Variants in MARCHF8 observed in about 807,000 individuals in gnomAD.
MARCHF8 encodes the protein membrane associated ring-CH-type finger 8.
Under a neutral mutation model 51.6 loss-of-function variants are expected in MARCHF8, and 40 were observed. The ratio of observed to expected loss-of-function variants is 0.77; its 90% confidence interval spans 0.60 to 1.01. MARCHF8 has a LOEUF of 1.01. Ranked by LOEUF, MARCHF8 falls within the 50% of genes least tolerant of loss-of-function variation. The probability of loss-of-function intolerance (pLI) is 0.00; values close to 1 mark genes in which losing one functional copy is unlikely to be tolerated. For synonymous variants in MARCHF8, 263 were observed against 280.3 expected, an observed-to-expected ratio of 0.94 and a Z score of 0.62; for missense variants, 685 against 708.6, an observed-to-expected ratio of 0.97 and a Z score of 0.38.
intron 1 of MARCHF8, among the ~76,000 whole-genome samples, chr10:45,584,579 T>C (rs539452696): frequency 3.5e-4 from 54 of 152,116 alleles, no homozygotes; most frequent in Non-Finnish European, 6.0e-4. Flanking sequence ...AAAACAACAT[T>C]ATATACAGTG....
Position 45,495,313 on chromosome 10 carries a change from C to CA in MARCHF8, c.103-5897dup, listed in dbSNP as rs578036170. ...TTTCAATGAAGTTTAACTATTTTCT[C>CA]AAAAAAAAAAAAATTAGTGAGCAGA... On this transcript the variant is annotated intron_variant, in intron 2 of 7. Transcript: ENST00000453424. Among the ~76,000 whole-genome samples, 1,061 of 141,984 alleles carry CA rather than the reference C, an allele frequency of 7.5e-3. 5 individuals are homozygous for CA. Among genetic ancestry groups the CA allele is most frequent in the Middle Eastern group, 0.014 (4 of 278 alleles). The allele number at this position is 141,984 out of a possible 152,430, so 93.1% of individuals were successfully genotyped here.
chr10:45,461,458 G>A (rs865988704), intron 5 of MARCHF8, 47 bp from the exon 6 acceptor site: 5 of 1,431,784 alleles, frequency 3.5e-6, no homozygotes, highest in Middle Eastern at 5.2e-4. Flanking sequence ...TCCCATGACA[G>A]GGAAGCTGAC....
upstream of MARCHF8, among the ~76,000 whole-genome samples, chr10:45,539,798 A>C (rs2044025493): frequency 6.6e-6 from 1 of 152,224 alleles, no homozygotes; most frequent in Non-Finnish European, 1.5e-5. Context: ...TATATCTAGA[A>C]AACCCCATCG....
chr10:45,581,391 C>G (rs1190999098), intron 1 of MARCHF8, among the ~76,000 whole-genome samples: 4 of 152,140 alleles, frequency 2.6e-5, no homozygotes, highest in African/African-American at 7.2e-5. Flanking sequence ...AACAAGACAC[C>G]CAGTGGTTAG....
intron 2 of MARCHF8, among the ~76,000 whole-genome samples, chr10:45,506,925 T>C (rs780428267): frequency 6.6e-6 from 1 of 152,234 alleles, no homozygotes; most frequent in African/African-American, 2.4e-5. Context: ...TTCTTATTTT[T>C]ATATGCTACA....
chr10:45,584,513 G>A (rs537973239), intron 1 of MARCHF8, among the ~76,000 whole-genome samples: 54 of 152,134 alleles, frequency 3.5e-4, no homozygotes, highest in Admixed American at 2.7e-3. Context: ...TTAAGGACAT[G>A]GAACAAGAAC....
intron 3 of MARCHF8, among the ~76,000 whole-genome samples, chr10:45,469,948 G>A (rs1269328339): frequency 6.8e-6 from 1 of 147,798 alleles, no homozygotes; most frequent in Non-Finnish European, 1.5e-5. Flanking sequence ...CTGCCTGACT[G>A]TATTTCTACA....
intron 2 of MARCHF8, among the ~76,000 whole-genome samples, chr10:45,492,825 T>C (rs970368846): frequency 3.9e-5 from 6 of 152,246 alleles, no homozygotes; most frequent in African/African-American, 1.4e-4. Flanking sequence ...GAATCCCTTA[T>C]TTGAAATGCT....
chr10:45,592,220 T>G (rs1043786210), intron 1 of MARCHF8, among the ~76,000 whole-genome samples: 3 of 152,128 alleles, frequency 2.0e-5, no homozygotes, highest in Non-Finnish European at 4.4e-5. Context: ...TTACACTCCT[T>G]GAAAAAGAAT....
intron 2 of MARCHF8, among the ~76,000 whole-genome samples, chr10:45,520,917 A>G (rs2043695452): frequency 6.6e-6 from 1 of 152,202 alleles, no homozygotes; most frequent in Admixed American, 6.5e-5. Flanking sequence ...AAATCACAAA[A>G]TACTTTTAAC....
Position 45,535,197 on chromosome 10 carries a change from C to G in MARCHF8, c.-79+14G>C, listed in dbSNP as rs1380986839. On this transcript the variant is annotated intron_variant, in intron 1 of 7. Transcript: ENST00000453424. ...TTGTATTCAAGCACGTCACACAAAACAAGAGGCACTTACTGCGGAGCTGCC... is the reference window on the plus strand; with the variant it reads ...TTGTATTCAAGCACGTCACACAAAAGAAGAGGCACTTACTGCGGAGCTGCC... The G allele has an allele frequency of 6.6e-6, 1 of 152,220 alleles. No homozygotes were observed. The highest frequency in any genetic ancestry group is 1.5e-5 in the Non-Finnish European group (1 of 68,044). 9.4% of individuals were successfully genotyped at this position (152,220 alleles called of 1,614,324 possible). A position where few individuals can be genotyped will look rare whatever the true frequency, so the allele number is the denominator to read the frequency against.
chr10:45,523,612 A>C (rs1182740702), intron 2 of MARCHF8, among the ~76,000 whole-genome samples: 8 of 152,236 alleles, frequency 5.3e-5, no homozygotes, highest in Non-Finnish European at 7.3e-5. Flanking sequence ...AATCTGAAAA[A>C]TTATCTGCCA....
At chr10:45,532,872 G>C (rs1472907094) in intron 2 of MARCHF8, among the ~76,000 whole-genome samples, 1 of 152,096 alleles carries the variant, frequency 6.6e-6, no homozygotes, top group African/African-American at 2.4e-5. Context: ...AAAATAATCA[G>C]GTAGATTTAA....
chr10:45,513,778 AAAT>A (rs1299374586), intron 2 of MARCHF8, among the ~76,000 whole-genome samples: 3 of 152,320 alleles, frequency 2.0e-5, no homozygotes, highest in Admixed American at 6.5e-5. Flanking sequence ...CACACGTGGG[AAAT>A]AATACCACAA....
chr10:45,467,401 T>G (rs575638834), intron 3 of MARCHF8, among the ~76,000 whole-genome samples: 110 of 152,254 alleles, frequency 7.2e-4, no homozygotes, highest in African/African-American at 2.4e-3. Context: ...CAGAAGAGGC[T>G]CCTTCTGTCA....
At chr10:45,513,999 T>A (rs893594526) in intron 2 of MARCHF8, among the ~76,000 whole-genome samples, 7 of 152,186 alleles carry the variant, frequency 4.6e-5, no homozygotes, top group Admixed American at 3.3e-4. Context: ...TTCAAAGCCA[T>A]AACTCCATAA....
At chr10:45,474,167 G>A (rs1369035238) in intron 3 of MARCHF8, among the ~76,000 whole-genome samples, 1 of 152,182 alleles carries the variant, frequency 6.6e-6, no homozygotes, top group Non-Finnish European at 1.5e-5. Flanking sequence ...CTCAATGTGT[G>A]CAATCCTCGT....
intron 3 of MARCHF8, among the ~76,000 whole-genome samples, chr10:45,469,788 C>A (rs1185930030): frequency 7.1e-6 from 1 of 140,950 alleles, no homozygotes; most frequent in African/African-American, 2.6e-5. Flanking sequence ...TGGCGTGAAC[C>A]CGGGAGGCGG....
intron 1 of MARCHF8, among the ~76,000 whole-genome samples, chr10:45,546,121 A>G (rs2044117512): frequency 6.6e-6 from 1 of 151,336 alleles, no homozygotes; most frequent in African/African-American, 2.5e-5. Flanking sequence ...ATTTTAAAAT[A>G]TAAAAATGAG....
Sources: allele counts gnomAD v4.1 joint callset (sites outside exome capture counted in the v4.1 genomes callset), GRCh38; gene constraint gnomAD v4.1.1; transcripts MANE v1.5; gene names NCBI Gene and HGNC (gene_info 2026-07-23, HGNC 2026-07-21).